The following CSTF3 variants were observed in gnomAD, a reference collection of about 807,000 sequenced individuals.
CSTF3 encodes the protein CF-1 77 kDa subunit.
Under a neutral mutation model 105.8 loss-of-function variants are expected in CSTF3, and 29 were observed. That is an observed-to-expected ratio of 0.27 (90% CI 0.20 to 0.37). CSTF3 has a LOEUF of 0.37. CSTF3 is among the 10% of genes least tolerant of loss of function. The pLI is 1.00. For synonymous variants in CSTF3, 252 were observed against 281.9 expected (o/e 0.89, Z 1.06); for missense variants, 357 against 879.3 (o/e 0.41, Z 7.51).
intron 1 of CSTF3, among the ~76,000 whole-genome samples, chr11:33,149,845 C>G (rs977703338): frequency 2.0e-5 from 3 of 152,110 alleles, no homozygotes; most frequent in African/African-American, 7.2e-5. Context: ...ATGGTAAAAC[C>G]CTGTCTCTAC....
At chr11:33,119,413 T>C (rs1855464787) in intron 3 of CSTF3, among the ~76,000 whole-genome samples, 1 of 151,874 alleles carries the variant, frequency 6.6e-6, no homozygotes, top group South Asian at 2.1e-4. Flanking sequence ...AAATCAAGTA[T>C]AACATTTATA....
intron 3 of CSTF3, among the ~76,000 whole-genome samples, chr11:33,132,027 A>C (rs1855605062): frequency 6.6e-6 from 1 of 152,140 alleles, no homozygotes; most frequent in South Asian, 2.1e-4. Context: ...TTATTCTTTC[A>C]AATTTGTTTG....
chr11:33,114,436 A>AT (rs1429375078), intron 3 of CSTF3, among the ~76,000 whole-genome samples: 28 of 148,810 alleles, frequency 1.9e-4, no homozygotes, highest in Non-Finnish European at 2.6e-4. Flanking sequence ...CTCAAATTCA[A>AT]TTTTTTCCCT....
At chr11:33,148,860 G>GTT (rs551371475) in intron 1 of CSTF3, among the ~76,000 whole-genome samples, 8,825 of 133,618 alleles carry the variant, frequency 0.066, 391 homozygotes, top group Non-Finnish European at 0.092. Context: ...CTGTTGCTGT[G>GTT]TTTTTTTTTT....
chr11:33,088,003 C>G (rs570312250), intron 17 of CSTF3, among the ~76,000 whole-genome samples: 3 of 152,328 alleles, frequency 2.0e-5, no homozygotes, highest in East Asian at 3.9e-4. Context: ...AACAAAAGAA[C>G]CCCTTTTTGC....
chr11:33,108,295 AATTATT>A, intron 4 of CSTF3, 85 bp downstream of exon 4: 1 of 1,147,318 alleles, frequency 8.7e-7, no homozygotes, highest in South Asian at 2.2e-5. Context: ...ATCTAGATTC[AATTATT>A]ATTAACATTT....
intron 10 of CSTF3, 64 bp downstream of exon 10, chr11:33,102,112 CT>C: frequency 7.1e-7 from 1 of 1,402,636 alleles, no homozygotes; most frequent in Admixed American, 1.8e-5. Flanking sequence ...TTTTAGTAAC[CT>C]ATGGGGATAC....
rs1227041180 is a variant in CSTF3, at chr11:33,099,626, T to C, written c.918A>G (p.Lys306=). Residue 306 remains lysine, a synonymous_variant, in exon 11 of 21, where the codon AAA becomes AAG. Transcript: ENST00000323959. This position sits in a 1 kb window ranked among gnomAD's most constrained non-coding sequence, Gnocchi z 4.1. ...CACTTACTCCCTTTTCTGCGAGCAG[T>C]TTACTTGACTGCTCAAGATACTGGG... is the stretch of plus-strand genomic sequence containing the variant. ...EAAQYLEQSS[K]LLAEKGDMNN... 1.2e-6 allele frequency: 2 copies of C among 1,608,142 alleles called. No homozygotes were observed. The highest frequency in any genetic ancestry group is 2.7e-5 in the African/African-American group (2 of 74,760).
intron 20 of CSTF3, 31 bp downstream of exon 20, chr11:33,085,682 G>C (rs751907589): frequency 6.4e-7 from 1 of 1,562,490 alleles, no homozygotes; most frequent in South Asian, 1.1e-5. Flanking sequence ...AACGTGGAAT[G>C]ACACTCTGAA....
At position 33,161,461 on chromosome 11, in the gene CSTF3, C is replaced by A; in HGVS notation, c.-136G>T. The A allele has an allele frequency of 6.0e-6, 5 of 835,848 alleles. No homozygotes were observed. Among genetic ancestry groups the A allele is most frequent in the Non-Finnish European group, 9.7e-6 (5 of 517,932 alleles). 51.8% of individuals were successfully genotyped at this position (835,848 alleles called of 1,614,324 possible). On this transcript the variant is annotated 5_prime_UTR_variant, in exon 1 of 21. Coordinates refer to ENST00000323959, the MANE Select transcript of CSTF3 (RefSeq NM_001326.3). ...CCAGACCGCCAACACCAATCGCCAC[C>A]GCCCACTCAAATATGAATTAAAATG...
intron 1 of CSTF3, among the ~76,000 whole-genome samples, chr11:33,146,350 G>A (rs1208807879): frequency 6.6e-6 from 1 of 151,958 alleles, no homozygotes. Context: ...TATATAATGA[G>A]TCAGCTACTA....
rs1040714477 is a variant in CSTF3 at position 33,099,685 on chromosome 11, G to C, written c.859C>G (p.Leu287Val). 1.9e-6 allele frequency: 3 copies of C among 1,609,926 alleles called. No homozygotes were observed. Among genetic ancestry groups the C allele is most frequent in the Non-Finnish European group, 2.5e-6 (3 of 1,178,310 alleles). Residue 287 changes from leucine (L) to valine (V), a missense_variant, in exon 11 of 21, where the codon CTG becomes GTG. Coordinates refer to ENST00000323959, the MANE Select transcript of CSTF3 (RefSeq NM_001326.3). This position sits in a 1 kb window ranked among gnomAD's most constrained non-coding sequence, Gnocchi z 4.1. ...MFAYEQCLLV[L>V]GHHPDIWYEA... ...TACCAAATATCAGGGTGATGGCCCA[G>C]CACAAGCAGGCACTGTTCATAAGCA...
At chr11:33,151,747 G>A (rs892630865) in intron 1 of CSTF3, among the ~76,000 whole-genome samples, 6 of 152,064 alleles carry the variant, frequency 3.9e-5, no homozygotes, top group Non-Finnish European at 8.8e-5. Context: ...TAAGTAATGT[G>A]GTAACTCTTA....
chr11:33,157,153 G>T (rs1280347053), intron 1 of CSTF3, among the ~76,000 whole-genome samples: 1 of 152,136 alleles, frequency 6.6e-6, no homozygotes, highest in Non-Finnish European at 1.5e-5. Context: ...AGGAGTTCAA[G>T]ACCAGCCTGG....
intron 3 of CSTF3, among the ~76,000 whole-genome samples, chr11:33,138,508 CAA>C (rs769837130): frequency 6.6e-6 from 1 of 151,798 alleles, no homozygotes; most frequent in Non-Finnish European, 1.5e-5. Context: ...CCACTTAACT[CAA>C]GTGTTTAAAA....
Position 33,087,203 on chromosome 11 carries a change from C to A in CSTF3, c.1642-62G>T, listed in dbSNP as rs561940480. On this transcript the variant is annotated intron_variant, in intron 17 of 20. Transcript: ENST00000323959. ...AAGGGACTACTAGAGAATAATCATGCAATAACCTTGAGGATACAGTGTGAA... is the reference window on the plus strand; with the variant it reads ...AAGGGACTACTAGAGAATAATCATGAAATAACCTTGAGGATACAGTGTGAA... The A allele has an allele frequency of 1.4e-5, 21 of 1,553,690 alleles. No homozygotes were observed. In the South Asian group the frequency reaches 2.3e-4, roughly 17 times the overall value.
chr11:33,096,994 T>C lies in CSTF3; in HGVS notation c.1129-16A>G. ...GGATATATACCTATGCAAAAGAAAGTATTTGTGTTCTATAAATTAGACAGT... is the reference window on the plus strand; with the variant it reads ...GGATATATACCTATGCAAAAGAAAGCATTTGTGTTCTATAAATTAGACAGT... On this transcript the variant is annotated splice_polypyrimidine_tract_variant and intron_variant, in intron 13 of 20. Coordinates refer to ENST00000323959, the MANE Select transcript of CSTF3 (RefSeq NM_001326.3). 6.3e-7 allele frequency: 1 copy of C among 1,578,056 alleles called. No individual in the cohort carries two copies. Among genetic ancestry groups the C allele is most frequent in the Non-Finnish European group, 8.7e-7 (1 of 1,154,122 alleles).
At chr11:33,086,907 A>C (rs1855111055) in intron 18 of CSTF3, 81 bp downstream of exon 18, 1 of 1,495,942 alleles carries the variant, frequency 6.7e-7, no homozygotes, top group African/African-American at 1.4e-5. Flanking sequence ...TTGAGAGGCC[A>C]TGTCACTTTA....
chr11:33,129,795 T>TA, intron 3 of CSTF3, among the ~76,000 whole-genome samples: 1 of 152,316 alleles, frequency 6.6e-6, no homozygotes, highest in East Asian at 1.9e-4. Context: ...CTGAATACAC[T>TA]AAAGTAAAAT....
Sources: allele counts gnomAD v4.1 joint callset (sites outside exome capture counted in the v4.1 genomes callset), GRCh38; gene constraint gnomAD v4.1.1; non-coding constraint Gnocchi (gnomAD v3.1); transcripts MANE v1.5; gene names NCBI Gene and HGNC (gene_info 2026-07-23, HGNC 2026-07-21).